The following ANK3 variants were observed in gnomAD, a reference collection of about 807,000 sequenced individuals.
ANK3 encodes ankyrin 3.
In ANK3, 57 loss-of-function variants were observed where a neutral mutation model predicts 370.9. The ratio of observed to expected loss-of-function variants is 0.15; its 90% CI spans 0.12 to 0.19. The LOEUF (loss-of-function observed/expected upper bound fraction) is 0.19. ANK3 is among the 10% of genes least tolerant of loss of function. The pLI is 1.00. For synonymous variants in ANK3, 1,929 were observed against 1,946.3 expected (o/e 0.99, Z 0.23); for missense variants, 4,439 against 5,302.1 (o/e 0.84, Z 5.06).
intron 1 of ANK3, among the ~76,000 whole-genome samples, chr10:60,305,476 C>T (rs1014437985): frequency 3.5e-4 from 53 of 151,410 alleles, no homozygotes; most frequent in Non-Finnish European, 8.8e-5. Flanking sequence ...TATTACTCTG[C>T]ACATTTAATT....
intron 11 of ANK3, 82 bp from the exon 12 acceptor site, chr10:60,203,182 T>A: frequency 1.2e-6 from 1 of 856,930 alleles, no homozygotes; most frequent in Non-Finnish European, 1.9e-6. Flanking sequence ...CTGTCATCCA[T>A]CCACCCATCT....
intron 28 of ANK3, among the ~76,000 whole-genome samples, chr10:60,098,226 G>T (rs368274822): frequency 4.5e-4 from 68 of 152,204 alleles, no homozygotes; most frequent in African/African-American, 1.3e-3. Flanking sequence ...TCTTTTCGAG[G>T]TCACACAGCT....
intron 28 of ANK3, among the ~76,000 whole-genome samples, chr10:60,101,408 TAATTAAACTTTGTGAGTTTA>T (rs1289320810): frequency 6.6e-6 from 1 of 152,210 alleles, no homozygotes; most frequent in African/African-American, 2.4e-5. Flanking sequence ...TAAACATGTT[TAATTAAACTTTGTGAGTTTA>T]ATTAAAGGAA....
chr10:60,172,181 A>G (rs2095810440), intron 21 of ANK3, 127 bp downstream of exon 21: 2 of 666,130 alleles, frequency 3.0e-6, no homozygotes, highest in African/African-American at 3.6e-5. Context: ...ACCAACAATG[A>G]GGTGACTGTA....
chr10:60,708,219 T>A (rs2079647681), intron 1 of ANK3, among the ~76,000 whole-genome samples: 1 of 152,226 alleles, frequency 6.6e-6, no homozygotes, highest in Non-Finnish European at 1.5e-5. Context: ...TAATTTCCCA[T>A]CTGTCTTCAA....
chr10:60,627,337 G>A (rs1475291675), intron 1 of ANK3, among the ~76,000 whole-genome samples: 2 of 151,670 alleles, frequency 1.3e-5, no homozygotes, highest in East Asian at 3.9e-4. Context: ...GGGAAACAAA[G>A]ACAGTTAAAA....
chr10:60,183,454 G>C (rs193070151), intron 17 of ANK3, among the ~76,000 whole-genome samples: 1 of 152,112 alleles, frequency 6.6e-6, no homozygotes, highest in East Asian at 1.9e-4. Context: ...TATATTCTTG[G>C]TTATAATTCA....
chr10:60,156,475 C>T (rs1335478800), intron 23 of ANK3, among the ~76,000 whole-genome samples: 1 of 152,144 alleles, frequency 6.6e-6, no homozygotes, highest in Non-Finnish European at 1.5e-5. Context: ...AGCCCCAGCA[C>T]TGTGCTGGGC....
chr10:60,293,611 A>G (rs17233781), intron 1 of ANK3, among the ~76,000 whole-genome samples: 15,952 of 152,216 alleles, frequency 0.1, 1,063 homozygotes, highest in Non-Finnish European at 0.15. Context: ...ACCTAATGAT[A>G]CAGAACAAGA....
intron 2 of ANK3, among the ~76,000 whole-genome samples, chr10:60,542,994 T>C (rs1296949005): frequency 6.6e-6 from 1 of 152,004 alleles, no homozygotes; most frequent in Non-Finnish European, 1.5e-5. Context: ...CCAGTAAGTA[T>C]CCAATAAGTA....
In ANK3 at chr10:60,597,655, T is replaced by C. The variant is rs1049034738; in HGVS notation, c.96+17531A>G. On this transcript the variant is annotated intron_variant, in intron 2 of 43. Transcript: ENST00000373827. ...CTGAAGAATCAGCTCAAATCCTAGA[T>C]GCCATAGAATTTCTCAAGAGTTTCA... 3.3e-5 allele frequency among the ~76,000 whole-genome samples: 5 copies of C among 152,316 alleles called. No individual in the cohort carries two copies. The East Asian group carries it at 5.8e-4, about 18-fold the overall frequency.
intron 2 of ANK3, among the ~76,000 whole-genome samples, chr10:60,577,516 G>T (rs976517042): frequency 2.6e-5 from 4 of 152,036 alleles, no homozygotes; most frequent in Non-Finnish European, 5.9e-5. Flanking sequence ...CATGAGATCT[G>T]ATGGTTTTAT....
chr10:60,534,953 C>T (rs2076689798), intron 2 of ANK3, among the ~76,000 whole-genome samples: 1 of 152,098 alleles, frequency 6.6e-6, no homozygotes, highest in Non-Finnish European at 1.5e-5. Context: ...CAATCAGCCT[C>T]CACTGTTAAA....
intron 8 of ANK3, among the ~76,000 whole-genome samples, chr10:60,217,098 G>C (rs1466204594): frequency 6.6e-6 from 1 of 151,984 alleles, no homozygotes; most frequent in African/African-American, 2.4e-5. Flanking sequence ...ATTTCTGTGA[G>C]GTCAGTGGTG....
chr10:60,630,171 T>G (rs977147277), intron 1 of ANK3, among the ~76,000 whole-genome samples: 4 of 152,152 alleles, frequency 2.6e-5, no homozygotes, highest in African/African-American at 4.8e-5. Context: ...TCAAAGGGCA[T>G]GATATCTCCC....
In ANK3 at chr10:60,678,917, T is replaced by A. The variant is rs181982416; in HGVS notation, c.57+54346A>T. On this transcript the variant is annotated intron_variant, in intron 1 of 43. Transcript: ENST00000373827. ...TACCTGGGAATAGTCTCAGATTGGG[T>A]TTTAAAGGGTTGAATGGCTGATCAC... 3.3e-4 allele frequency among the ~76,000 whole-genome samples: 50 copies of A among 152,172 alleles called. 1 individual carries two copies. The South Asian group carries it at 3.7e-3, about 11-fold the overall frequency.
At chr10:60,325,758 A>G (rs529080468) in intron 1 of ANK3, among the ~76,000 whole-genome samples, 1 of 152,192 alleles carries the variant, frequency 6.6e-6, no homozygotes, top group Non-Finnish European at 1.5e-5. Flanking sequence ...ACATCATTTG[A>G]CCCAGCAATC....
At chr10:60,447,711 T>C (rs1212347003) in intron 2 of ANK3, among the ~76,000 whole-genome samples, 1 of 152,140 alleles carries the variant, frequency 6.6e-6, no homozygotes, top group Non-Finnish European at 1.5e-5. Flanking sequence ...CTCTACCTTA[T>C]TCCTGTGAAT....
At chr10:60,675,417 T>C (rs74155669) in intron 1 of ANK3, among the ~76,000 whole-genome samples, 1 of 152,196 alleles carries the variant, frequency 6.6e-6, no homozygotes, top group Admixed American at 6.5e-5. Flanking sequence ...TTCAACCCAA[T>C]ATAGCCAAGA....
Sources: gnomAD v4.1 joint callset for allele counts (sites outside exome capture counted in the v4.1 genomes callset) on GRCh38, gnomAD v4.1.1 for gene constraint, MANE v1.5 for transcripts, NCBI Gene and HGNC (gene_info 2026-07-23, HGNC 2026-07-21) for gene names.